The following EPS8L1 variants were observed in gnomAD, a reference collection of about 807,000 sequenced individuals.
EPS8L1 encodes the protein epidermal growth factor receptor kinase substrate 8-like protein 1.
A neutral mutation model predicts 91.7 loss-of-function variants in EPS8L1; 101 were observed. That is an observed-to-expected ratio of 1.10 (90% confidence interval 0.94 to 1.30). The LOEUF is 1.30. EPS8L1 is among the 50% of genes most tolerant of loss of function. The pLI, the probability that EPS8L1 is intolerant of heterozygous loss-of-function variation, is 0.00. For missense variants in EPS8L1, 1,114 were observed against 1,017.0 expected, an observed-to-expected ratio of 1.10 and a Z score of -1.30; for synonymous variants, 506 against 445.3, an observed-to-expected ratio of 1.14 and a Z score of -1.72.
intron 16 of EPS8L1, 34 bp from the exon 17 acceptor site, chr19:55,086,358 C>T (rs1214930226): frequency 1.3e-6 from 2 of 1,598,182 alleles, no homozygotes; most frequent in Non-Finnish European, 1.7e-6. Context: ...GAGTCCTCTC[C>T]CTAACCCAGG....
chr19:55,080,932 G>C, intron 7 of EPS8L1, 78 bp downstream of exon 7: 1 of 1,347,490 alleles, frequency 7.4e-7, no homozygotes, highest in Non-Finnish European at 1.0e-6. Context: ...CACCAGCCTG[G>C]AACAGAACAA....
chr19:55,079,590 G>A, intron 4 of EPS8L1, 100 bp from the exon 5 acceptor site: 2 of 1,392,684 alleles, frequency 1.4e-6, no homozygotes, highest in South Asian at 1.4e-5. Context: ...CCTGGAGGAG[G>A]TGTGGTTAGT....
chr19:55,083,909 G>C lies in EPS8L1; in HGVS notation c.1385+265G>C. The C allele has an allele frequency of 1.6e-6, 1 of 624,042 alleles. No individual in the cohort carries two copies. Among genetic ancestry groups the C allele is most frequent in the Non-Finnish European group, 2.8e-6 (1 of 351,952 alleles). The allele number at this position is 624,042 out of a possible 1,614,324, so 38.7% of individuals were successfully genotyped here. A position where few individuals can be genotyped will look rare whatever the true frequency, so the allele number is the denominator to read the frequency against. ...GGGCCTAAGGGAGGAAGGGGGCTGG[G>C]AGTGGGTAAAGTCTGAGAGGTTGGA... On this transcript the variant is annotated intron_variant, in intron 14 of 19. Coordinates refer to ENST00000201647, the MANE Select transcript of EPS8L1 (RefSeq NM_133180.3). The surrounding 1 kb of genome is among the most constrained non-coding windows in gnomAD (Gnocchi z 4.7).
In EPS8L1 at chr19:55,086,847, C is replaced by G. The variant is rs770490196; in HGVS notation, c.1911C>G (p.Ser637=). The change falls in exon 18 of 20, where the codon TCC becomes TCG. Residue 637 remains serine, a synonymous_variant. Coordinates refer to ENST00000201647, the MANE Select transcript of EPS8L1 (RefSeq NM_133180.3). ...AGCTCAGCCCGGGCTCGGACGCCTC[C>G]GAGGTCCGCGCCTGGCTGCAGGCCA... The part of the protein sequence containing the change: ...EPQLSPGSDA[S]EVRAWLQAKG... The G allele has an allele frequency of 2.7e-6, 4 of 1,498,682 alleles. No individual in the cohort carries two copies. The South Asian group carries it at 3.9e-5, about 15-fold the overall frequency. The allele number at this position is 1,498,682 out of a possible 1,614,324, so 92.8% of individuals were successfully genotyped here. A position where few individuals can be genotyped will look rare whatever the true frequency, so the allele number is the denominator to read the frequency against.
chr19:55,086,653 C>CCG, intron 17 of EPS8L1, 61 bp from the exon 18 acceptor site: 1 of 1,445,494 alleles, frequency 6.9e-7, no homozygotes, highest in Non-Finnish European at 9.5e-7. Flanking sequence ...GCCCCGCCCT[C>CCG]TGGCCCCAGG....
Position 55,087,322 on chromosome 19 carries a change from G to C in EPS8L1, c.1972G>C (p.Val658Leu). The C allele has an allele frequency of 6.2e-7, 1 of 1,610,056 alleles. No individual in the cohort carries two copies. The highest frequency in any genetic ancestry group is 1.1e-5 in the South Asian group (1 of 90,584). ...GCTCAGGACCGTGGACGCGCTGGGT[G>C]TGCTGACCGGGGCGCAGCTTTTCTC... ...FSSGTVDALG[V>L]LTGAQLFSLQ... The change falls in exon 19 of 20, where the codon GTG becomes CTG. Residue 658 changes from valine (V) to leucine (L), a missense_variant. Coordinates refer to ENST00000201647, the MANE Select transcript of EPS8L1 (RefSeq NM_133180.3).
Position 55,078,925 on chromosome 19 carries a change from G to T in EPS8L1, c.59-74G>T. On this transcript the variant is annotated intron_variant, in intron 3 of 19. Transcript: ENST00000201647. ...AGGTTTGAGGGAGGAGGGGCTGGGG[G>T]CCTGGACTCCTGGGTCTGATGGAGG... 1.3e-5 allele frequency: 20 copies of T among 1,488,006 alleles called. No individual in the cohort carries two copies. In the South Asian group the frequency reaches 2.3e-4, roughly 17 times the overall value. The allele number at this position is 1,488,006 out of a possible 1,614,324, so 92.2% of individuals were successfully genotyped here.
intron 14 of EPS8L1, chr19:55,084,733 T>C (rs1344532072): frequency 6.6e-6 from 1 of 152,194 alleles, no homozygotes; most frequent in East Asian, 1.9e-4. Context: ...GCAACCCTGG[T>C]CCCTGTTCAC....
In EPS8L1 at chr19:55,087,423, C is replaced by A. The variant is rs778997648; in HGVS notation, c.2073C>A (p.Arg691=). Residue 691 remains arginine (R), a synonymous_variant, in exon 19 of 20, where the codon CGC becomes CGA. Transcript: ENST00000201647. ...TGTACAGCCAGGTCACCGTGCAGCG[C>A]TCGCTGCTGGAGGTGAGCCGGACCG... The part of the protein sequence containing the change: ...ARVYSQVTVQ[R]SLLEDKEKVS... 1.2e-6 allele frequency: 2 copies of A among 1,614,116 alleles called. No individual in the cohort carries two copies. The highest frequency in any genetic ancestry group is 1.7e-6 in the Non-Finnish European group (2 of 1,180,014).
intron 14 of EPS8L1, chr19:55,084,023 C>G: frequency 2.1e-6 from 1 of 479,752 alleles, no homozygotes; most frequent in Non-Finnish European, 3.8e-6. Flanking sequence ...GAGGACAGAG[C>G]CCTGGATATT....
At position 55,080,901 on chromosome 19, in the gene EPS8L1, T is replaced by A. The variant is rs758868779; in HGVS notation, c.512+47T>A. ...GGGTCTCTGGGAAGCCGGTTTCCCC[T>A]CCTTGTGCCTCAGTCTACAACACCA... On this transcript the variant is annotated intron_variant, in intron 7 of 19. Coordinates refer to ENST00000201647, the MANE Select transcript of EPS8L1 (RefSeq NM_133180.3). 3.8e-5 allele frequency: 57 copies of A among 1,505,366 alleles called. 2 individuals are homozygous for A. The South Asian group carries it at 6.9e-4, about 18-fold the overall frequency. 93.3% of individuals were successfully genotyped at this position (1,505,366 alleles called of 1,614,324 possible). A position where few individuals can be genotyped will look rare whatever the true frequency, so the allele number is the denominator to read the frequency against.
intron 14 of EPS8L1, among the ~76,000 whole-genome samples, chr19:55,085,285 C>A (rs1401939405): frequency 6.6e-6 from 1 of 152,210 alleles, no homozygotes; most frequent in East Asian, 1.9e-4. Flanking sequence ...CCTGCCTCAG[C>A]CTCCAGAATA....
chr19:55,081,546 C>A lies in EPS8L1; in HGVS notation c.774+54C>A. On this transcript the variant is annotated intron_variant, in intron 8 of 19. Transcript: ENST00000201647. The surrounding 1 kb of genome is among the most constrained non-coding windows in gnomAD (Gnocchi z 4.9). ...CAGGGCCAGGCGACTGGAGGCGGGG[C>A]TAGGGCGTGGAAGGGCGGGGCCGGC... The A allele has an allele frequency of 1.3e-6, 2 of 1,490,790 alleles. No homozygotes were observed. Among genetic ancestry groups the A allele is most frequent in the Non-Finnish European group, 1.8e-6 (2 of 1,123,266 alleles). The allele number at this position is 1,490,790 out of a possible 1,614,324, so 92.3% of individuals were successfully genotyped here.
At chr19:55,082,013 T>C (rs1482180810) in intron 9 of EPS8L1, 79 bp from the exon 10 acceptor site, 1 of 1,551,848 alleles carries the variant, frequency 6.4e-7, no homozygotes, top group Non-Finnish European at 8.7e-7. Context: ...CACCGCCATC[T>C]TAACCGGGTG....
chr19:55,083,256 G>A lies in EPS8L1; in HGVS notation c.1215-122G>A. 6.2e-6 allele frequency: 8 copies of A among 1,287,380 alleles called. No individual in the cohort carries two copies. Among genetic ancestry groups the A allele is most frequent in the Admixed American group, 2.7e-5 (1 of 37,218 alleles). The allele number at this position is 1,287,380 out of a possible 1,614,324, so 79.7% of individuals were successfully genotyped here. ...CTACCGGCAGGACTTGGTGAAAAGT[G>A]GCGGGGCTAGAATCGTTGGAATACA... On this transcript the variant is annotated intron_variant, in intron 12 of 19. Coordinates refer to ENST00000201647, the MANE Select transcript of EPS8L1 (RefSeq NM_133180.3). The surrounding 1 kb of genome is among the most constrained non-coding windows in gnomAD (Gnocchi z 4.7).
chr19:55,087,462 C>A, intron 19 of EPS8L1, 27 bp downstream of exon 19: 1 of 1,614,148 alleles, frequency 6.2e-7, no homozygotes, highest in Non-Finnish European at 8.5e-7. Context: ...GTCCCTGGGT[C>A]TGGGTAGGGT....
Position 55,085,854 on chromosome 19 carries a change from G to C in EPS8L1, c.1399G>C (p.Glu467Gln), listed in dbSNP as rs767783138. 31 of 1,612,962 alleles carry C rather than the reference G, an allele frequency of 1.9e-5. No homozygotes were observed. The highest frequency in any genetic ancestry group is 3.3e-5 in the Admixed American group (2 of 59,978). ...QVAVNGHRDL[E>Q]PESEPQLESE... The stretch of plus-strand genomic sequence containing the variant: ...GCTTCTCCTCAGTCACCGAGACTTG[G>C]AGCCAGAATCTGAGCCTCAGCTGGA... The change falls in exon 15 of 20, where the codon GAG becomes CAG. Residue 467 changes from glutamate (E) to glutamine (Q), a missense_variant. Transcript: ENST00000201647.
chr19:55,079,778 G>A lies in EPS8L1; in HGVS notation c.206G>A (p.Gly69Asp). The change falls in exon 5 of 20, where the codon GGC becomes GAC. Residue 69 changes from glycine to aspartate, a missense_variant. Physicochemically the swap from Gly to Asp is moderately conservative, Grantham distance 94. Coordinates refer to ENST00000201647, the MANE Select transcript of EPS8L1 (RefSeq NM_133180.3). ...AAGTTGGCCGTCATGGATAGCCAGG[G>A]CCGAGTCTGGGCACAGGAGATGCTG... is the stretch of plus-strand genomic sequence containing the variant. ...SRKLAVMDSQ[G>D]RVWAQEMLLR... is the part of the protein sequence containing the mutation. The A allele has an allele frequency of 1.2e-6, 2 of 1,614,128 alleles. No individual in the cohort carries two copies. The highest frequency in any genetic ancestry group is 1.7e-6 in the Non-Finnish European group (2 of 1,180,004).
At position 55,081,478 on chromosome 19, in the gene EPS8L1, G is replaced by C. The variant is rs887192665; in HGVS notation, c.760G>C (p.Ala254Pro). ...PRGPDLAVLQ[A>P]EREVDILNHV... ...GGGTCCTGACCTGGCGGTTCTGCAG[G>C]CGGAGCGGGAAGTGGTGAGCCGCTA... The change falls in exon 8 of 20, where the codon GCG becomes CCG. Residue 254 changes from alanine to proline, a missense_variant. By Grantham distance (27) the Ala-to-Pro change is conservative. Transcript: ENST00000201647. The surrounding 1 kb of genome is among the most constrained non-coding windows in gnomAD (Gnocchi z 4.9). 6 of 1,589,806 alleles carry C rather than the reference G, an allele frequency of 3.8e-6. No homozygotes were observed. Among genetic ancestry groups the C allele is most frequent in the Admixed American group, 1.7e-5 (1 of 57,356 alleles).
Sources: allele counts gnomAD v4.1 joint callset (sites outside exome capture counted in the v4.1 genomes callset), GRCh38; gene constraint gnomAD v4.1.1; non-coding constraint Gnocchi (gnomAD v3.1); transcripts MANE v1.5; gene names NCBI Gene and HGNC (gene_info 2026-07-23, HGNC 2026-07-21).